SLC7A1: variants seen among roughly 807,000 people sequenced by gnomAD.
The protein encoded by SLC7A1 is high affinity cationic amino acid transporter 1.
In SLC7A1, 10 loss-of-function variants were observed where a neutral mutation model predicts 53.9. The ratio of observed to expected loss-of-function variants is 0.19; its 90% confidence interval spans 0.11 to 0.31. SLC7A1 has a LOEUF of 0.31. Among genes scored for constraint, SLC7A1 ranks in the 10% least tolerant of loss-of-function variants. The pLI, the probability that SLC7A1 is intolerant of heterozygous loss-of-function variation, is 1.00. For missense variants in SLC7A1, 525 were observed against 827.2 expected (o/e 0.63, Z 4.48); for synonymous variants, 342 against 338.7 (o/e 1.01, Z -0.11).
intron 1 of SLC7A1, among the ~76,000 whole-genome samples, chr13:29,554,560 T>C (rs1307317383): frequency 6.6e-6 from 1 of 152,208 alleles, no homozygotes; most frequent in Non-Finnish European, 1.5e-5. Context: ...CATAGATGCA[T>C]GGCATATAAA....
intron 2 of SLC7A1, among the ~76,000 whole-genome samples, chr13:29,553,374 G>C (rs987524765): frequency 6.6e-6 from 1 of 152,102 alleles, no homozygotes. Context: ...GAGACACAGC[G>C]CCCAATGTCC....
At chr13:29,573,219 G>A (rs1255153207) in intron 1 of SLC7A1, among the ~76,000 whole-genome samples, 1 of 151,960 alleles carries the variant, frequency 6.6e-6, no homozygotes, top group Non-Finnish European at 1.5e-5. Context: ...AAATATCCTC[G>A]GATCAAAAAG....
intron 4 of SLC7A1, 23 bp downstream of exon 4, chr13:29,532,801 C>A (rs944881883): frequency 6.3e-7 from 1 of 1,596,016 alleles, no homozygotes; most frequent in Non-Finnish European, 8.6e-7. Flanking sequence ...CTGACCCGAT[C>A]TCTTTTTAAG....
chr13:29,576,292 T>TAAAAAAAAAAAAAAAAAAAA lies in SLC7A1; in HGVS notation c.-115+19123_-115+19124insTTTTTTTTTTTTTTTTTTTT, dbSNP rs146432104. Among the ~76,000 whole-genome samples, 213 of 106,894 alleles carry TAAAAAAAAAAAAAAAAAAAA rather than the reference T, an allele frequency of 2.0e-3. 11 individuals carry two copies. Among genetic ancestry groups the TAAAAAAAAAAAAAAAAAAAA allele is most frequent in the Non-Finnish European group, 2.9e-3 (171 of 58,690 alleles). 70.1% of individuals were successfully genotyped at this position (106,894 alleles called of 152,430 possible). A position where few individuals can be genotyped will look rare whatever the true frequency, so the allele number is the denominator to read the frequency against. ...GGGTATCAGTATGAGATCCTGTTTT[T>TAAAAAAAAAAAAAAAAAAAA]TAAAAAAAAAAAAAAGGAAAGAAAA... is the stretch of plus-strand genomic sequence containing the variant. On this transcript the variant is annotated intron_variant, in intron 1 of 12. Transcript: ENST00000380752.
chr13:29,591,124 T>TA (rs960388991), intron 1 of SLC7A1, among the ~76,000 whole-genome samples: 7 of 151,872 alleles, frequency 4.6e-5, no homozygotes, highest in African/African-American at 1.7e-4. Context: ...TATATATATA[T>TA]TTTTCTCCCA....
intron 8 of SLC7A1, 45 bp from the exon 9 acceptor site, chr13:29,519,594 G>C (rs750756803): frequency 8.0e-7 from 1 of 1,252,522 alleles, no homozygotes; most frequent in Non-Finnish European, 1.2e-6. Flanking sequence ...CCATCTGCAT[G>C]CAATGACAAC....
chr13:29,535,251 G>A (rs1018682), intron 3 of SLC7A1, among the ~76,000 whole-genome samples: 108,756 of 151,838 alleles, frequency 0.72, 40,897 homozygotes, highest in Non-Finnish European at 0.85. Context: ...ATTACGCTGT[G>A]TATATAAATC....
intron 5 of SLC7A1, among the ~76,000 whole-genome samples, chr13:29,524,505 T>C (rs985535425): frequency 1.4e-4 from 22 of 152,002 alleles, no homozygotes; most frequent in Admixed American, 1.0e-3. Context: ...TTCTAAACAA[T>C]GACTAGGGTA....
At chr13:29,564,487 C>A (rs1431665767) in intron 1 of SLC7A1, among the ~76,000 whole-genome samples, 1 of 152,164 alleles carries the variant, frequency 6.6e-6, no homozygotes, top group African/African-American at 2.4e-5. Flanking sequence ...TCAGTGTGTG[C>A]GTCTAACTCT....
At chr13:29,520,223 G>T (rs561901627) in intron 8 of SLC7A1, among the ~76,000 whole-genome samples, 2 of 152,204 alleles carry the variant, frequency 1.3e-5, no homozygotes, top group South Asian at 4.2e-4. Context: ...TCCGGTCAGA[G>T]TGTGCCCATC....
rs538044753 is a variant in SLC7A1 at position 29,527,242 on chromosome 13, C to T, written c.705-2989G>A. On this transcript the variant is annotated intron_variant, in intron 5 of 12. Transcript: ENST00000380752. The stretch of plus-strand genomic sequence containing the variant: ...AACTGGAAGCTTACACACACACACA[C>T]AATTAGAAAGTTTACCTGTGGGGGT... Among the ~76,000 whole-genome samples, 7 of 152,210 alleles carry T rather than the reference C, an allele frequency of 4.6e-5. No homozygotes were observed. In the South Asian group the frequency reaches 1.5e-3, roughly 32 times the overall value.
intron 1 of SLC7A1, among the ~76,000 whole-genome samples, chr13:29,566,204 C>T (rs1289026880): frequency 1.3e-5 from 2 of 152,102 alleles, no homozygotes; most frequent in African/African-American, 2.4e-5. Flanking sequence ...CAATTCAAAA[C>T]GGAAGAACAA....
In SLC7A1 at chr13:29,522,303, G is replaced by GT; in HGVS notation, c.1189+13dup. 2 of 1,614,078 alleles carry GT rather than the reference G, an allele frequency of 1.2e-6. No homozygotes were observed. Among genetic ancestry groups the GT allele is most frequent in the Non-Finnish European group, 1.7e-6 (2 of 1,179,910 alleles). On this transcript the variant is annotated intron_variant, in intron 8 of 12. Coordinates refer to ENST00000380752, the MANE Select transcript of SLC7A1 (RefSeq NM_003045.5). ...GTTAAAACATTTCCATGTGAAATGAGTTCTAGTACTCACCAGCAACGGCAC... is the reference window on the plus strand; with the variant it reads ...GTTAAAACATTTCCATGTGAAATGAGTTTCTAGTACTCACCAGCAACGGCAC...
chr13:29,590,460 T>A (rs556473108), intron 1 of SLC7A1, among the ~76,000 whole-genome samples: 17 of 152,182 alleles, frequency 1.1e-4, no homozygotes, highest in African/African-American at 4.1e-4. Context: ...GGCTGAGAGC[T>A]CTGTTTCCCA....
chr13:29,557,166 CGTAAAGA>C (rs1410101149), intron 1 of SLC7A1, among the ~76,000 whole-genome samples: 1 of 152,156 alleles, frequency 6.6e-6, no homozygotes, highest in Non-Finnish European at 1.5e-5. Context: ...ACGCCTCAGA[CGTAAAGA>C]GTTTAATTCC....
At chr13:29,525,395 G>A (rs1330194573) in intron 5 of SLC7A1, among the ~76,000 whole-genome samples, 2 of 152,172 alleles carry the variant, frequency 1.3e-5, no homozygotes, top group Non-Finnish European at 2.9e-5. Flanking sequence ...CCACCCAGCT[G>A]CACAGGACAA....
intron 2 of SLC7A1, among the ~76,000 whole-genome samples, chr13:29,544,206 G>A (rs1323107037): frequency 2.0e-5 from 3 of 152,212 alleles, no homozygotes; most frequent in Non-Finnish European, 4.4e-5. Context: ...TCAGTAAACC[G>A]TTTTCAACTT....
rs1373909162 is a variant in SLC7A1, at chr13:29,511,528, T to C, written c.*2952A>G. 6.6e-6 allele frequency: 1 copy of C among 152,174 alleles called. No homozygotes were observed. The highest frequency in any genetic ancestry group is 1.5e-5 in the Non-Finnish European group (1 of 68,064). The allele number at this position is 152,174 out of a possible 1,614,324, so 9.4% of individuals were successfully genotyped here. A position where few individuals can be genotyped will look rare whatever the true frequency, so the allele number is the denominator to read the frequency against. On this transcript the variant is annotated 3_prime_UTR_variant, in exon 13 of 13. Coordinates refer to ENST00000380752, the MANE Select transcript of SLC7A1 (RefSeq NM_003045.5). Reference sequence around the variant, plus strand: ...GATGATAAGTAGAGTGGGGGGTGTGTAGAGGCCTGGTCTCCTCCGGACGGT... The same window carrying C: ...GATGATAAGTAGAGTGGGGGGTGTGCAGAGGCCTGGTCTCCTCCGGACGGT...
chr13:29,551,359 A>T (rs1566265728), intron 2 of SLC7A1, among the ~76,000 whole-genome samples: 1 of 152,228 alleles, frequency 6.6e-6, no homozygotes, highest in Non-Finnish European at 1.5e-5. Context: ...CCAAGACCGA[A>T]AGGCCTCCAG....
Sources: gnomAD v4.1 joint callset for allele counts (sites outside exome capture counted in the v4.1 genomes callset) on GRCh38, gnomAD v4.1.1 for gene constraint, MANE v1.5 for transcripts, NCBI Gene and HGNC (gene_info 2026-07-23, HGNC 2026-07-21) for gene names.